RFC2: variants seen among roughly 807,000 people sequenced by gnomAD.
The protein encoded by RFC2 is replication factor C subunit 2.
Under a neutral mutation model 44.8 loss-of-function variants are expected in RFC2, and 34 were observed. The observed-to-expected ratio is 0.76, with a 90% CI of 0.58 to 1.01. The LOEUF (loss-of-function observed/expected upper bound fraction) is 1.01, where lower values mean the gene tolerates loss of function less well. Ranked by LOEUF, RFC2 falls within the 50% of genes least tolerant of loss-of-function variation. The pLI is 0.00. For synonymous variants in RFC2, 177 were observed against 168.9 expected, an observed-to-expected ratio of 1.05 and a Z score of -0.37; for missense variants, 400 against 453.6, an observed-to-expected ratio of 0.88 and a Z score of 1.07.
At chr7:74,239,627 G>T (rs1237320526) in intron 7 of RFC2, among the ~76,000 whole-genome samples, 4 of 152,124 alleles carry the variant, frequency 2.6e-5, no homozygotes, top group African/African-American at 9.7e-5. Context: ...CACTGTGCCT[G>T]GCCATGCCTG....
intron 2 of RFC2, among the ~76,000 whole-genome samples, chr7:74,251,525 C>A (rs1467791267): frequency 2.0e-5 from 3 of 152,052 alleles, no homozygotes; most frequent in Admixed American, 6.6e-5. Context: ...CAAGGCCGCT[C>A]GTGGTGGCTC....
intron 2 of RFC2, among the ~76,000 whole-genome samples, chr7:74,250,170 C>A (rs1448124029): frequency 1.3e-5 from 2 of 148,760 alleles, no homozygotes; most frequent in Admixed American, 6.7e-5. Context: ...AAAAAAAAAA[C>A]ACAAAACCTG....
chr7:74,249,703 T>C, intron 3 of RFC2, 36 bp downstream of exon 3: 2 of 1,577,830 alleles, frequency 1.3e-6, no homozygotes, highest in Middle Eastern at 1.7e-4. Flanking sequence ...GGATGAGACA[T>C]GGAGACACTC....
chr7:74,243,278 AC>A, intron 5 of RFC2, 32 bp from the exon 6 acceptor site: 1 of 1,428,002 alleles, frequency 7.0e-7, no homozygotes, highest in Non-Finnish European at 9.9e-7. Flanking sequence ...TGCAAGTGGG[AC>A]CCAGAGACCA....
At chr7:74,245,565 T>A (rs1362425806) in intron 5 of RFC2, among the ~76,000 whole-genome samples, 1 of 147,308 alleles carries the variant, frequency 6.8e-6, no homozygotes, top group Non-Finnish European at 1.5e-5. Flanking sequence ...ACAAAAAAAT[T>A]AGCTGGGCGT....
At chr7:74,243,371 C>T (rs1210366587) in intron 5 of RFC2, 125 bp from the exon 6 acceptor site, 7 of 666,540 alleles carry the variant, frequency 1.1e-5, no homozygotes, top group South Asian at 5.1e-5. Flanking sequence ...ATTGGAAGTA[C>T]GCAGGCCATC....
chr7:74,242,773 ATT>A (rs1803406582), intron 6 of RFC2, among the ~76,000 whole-genome samples: 3 of 148,524 alleles, frequency 2.0e-5, no homozygotes, highest in African/African-American at 7.6e-5. Context: ...AAAAAAAAAA[ATT>A]AGCTGGGTGT....
chr7:74,253,236 TG>T (rs60948329), intron 1 of RFC2, among the ~76,000 whole-genome samples: 10,378 of 151,014 alleles, frequency 0.069, 1,171 homozygotes, highest in African/African-American at 0.24. Context: ...TTTTTTTTTT[TG>T]GAGACAGAGT....
At position 74,254,311 on chromosome 7, in the gene RFC2, T is replaced by C. The variant is rs1000134831; in HGVS notation, c.73A>G (p.Ser25Gly). ...AQDSDPAPAFSKAPGSAGHYE... is the reference protein window; with the variant it reads ...AQDSDPAPAFGKAPGSAGHYE... Reference sequence around the variant, plus strand: ...TGGCCGGCGCTGCCGGGGGCCTTGCTGAAGGCAGGGGCAGGGTCAGAGTCC... The same window carrying C: ...TGGCCGGCGCTGCCGGGGGCCTTGCCGAAGGCAGGGGCAGGGTCAGAGTCC... The change falls in exon 1 of 11, where the codon AGC (serine) becomes GGC (glycine). Residue 25 changes from serine (S) to glycine (G), a missense_variant. Transcript: ENST00000055077. The C allele has an allele frequency of 1.2e-6, 2 of 1,612,756 alleles. No homozygotes were observed. The highest frequency in any genetic ancestry group is 2.7e-5 in the African/African-American group (2 of 74,888).
intron 4 of RFC2, 126 bp downstream of exon 4, chr7:74,248,886 A>G: frequency 1.5e-6 from 1 of 682,412 alleles, no homozygotes; most frequent in South Asian, 1.7e-5. Flanking sequence ...TTTCACTGGG[A>G]AGGGGTGGAG....
chr7:74,241,507 C>T (rs935631332), intron 6 of RFC2, among the ~76,000 whole-genome samples: 33 of 152,174 alleles, frequency 2.2e-4, no homozygotes, highest in African/African-American at 7.2e-4. Context: ...GTAATGCGCT[C>T]GTCGGCAACA....
chr7:74,251,375 G>A (rs1554721003), intron 2 of RFC2, among the ~76,000 whole-genome samples: 1 of 151,978 alleles, frequency 6.6e-6, no homozygotes, highest in Non-Finnish European at 1.5e-5. Context: ...TTTTTTCGTA[G>A]AGACTGGTTT....
Position 74,249,129 on chromosome 7 carries a change from G to T in RFC2, c.226-11C>A. ...GGTTCCTGGAGGGCCCTGGGAATGAGATCTCCAGTAAAGACTTCAAACCAC... is the reference window on the plus strand; with the variant it reads ...GGTTCCTGGAGGGCCCTGGGAATGATATCTCCAGTAAAGACTTCAAACCAC... On this transcript the variant is annotated splice_polypyrimidine_tract_variant and intron_variant, in intron 3 of 10. Transcript: ENST00000055077. 6.2e-7 allele frequency: 1 copy of T among 1,613,712 alleles called. No individual in the cohort carries two copies.
intron 5 of RFC2, among the ~76,000 whole-genome samples, chr7:74,245,511 G>A (rs1378561615): frequency 6.7e-6 from 1 of 149,820 alleles, no homozygotes; most frequent in African/African-American, 2.5e-5. Context: ...AGGAGATCAA[G>A]ACCATCCTGG....
chr7:74,236,096 C>T (rs933487841), intron 9 of RFC2, among the ~76,000 whole-genome samples: 1 of 152,218 alleles, frequency 6.6e-6, no homozygotes. Flanking sequence ...CATTCATCTG[C>T]TAGCTTCATC....
At chr7:74,244,734 G>A (rs1394581464) in intron 5 of RFC2, among the ~76,000 whole-genome samples, 17 of 151,752 alleles carry the variant, frequency 1.1e-4, no homozygotes, top group African/African-American at 3.9e-4. Flanking sequence ...TTGGGAGGCC[G>A]AGGCAGACAG....
At chr7:74,237,487 A>C in intron 8 of RFC2, 45 bp from the exon 9 acceptor site, 1 of 1,365,600 alleles carries the variant, frequency 7.3e-7, no homozygotes, top group Non-Finnish European at 1.0e-6. Flanking sequence ...AGAAGGGACA[A>C]TGTGAGCGGG....
In RFC2 at chr7:74,254,395, C is replaced by T. The variant is rs782186583; in HGVS notation, c.-12G>A. The stretch of plus-strand genomic sequence containing the variant: ...GCCTCCACCTCCATTCTCGCGCCTC[C>T]TCTTCCCGCCACCCGAGGCACCGCC... On this transcript the variant is annotated 5_prime_UTR_variant, in exon 1 of 11. Transcript: ENST00000055077. 1.3e-6 allele frequency: 2 copies of T among 1,568,366 alleles called. No individual in the cohort carries two copies. The highest frequency in any genetic ancestry group is 8.7e-7 in the Non-Finnish European group (1 of 1,150,874).
rs1392677025 is a variant in RFC2 at position 74,235,780 on chromosome 7, TAGAG to T, written c.841-139_841-136del. The T allele has an allele frequency of 2.9e-5, 19 of 657,156 alleles. No homozygotes were observed. The East Asian group carries it at 3.4e-4, about 12-fold the overall frequency. 40.7% of individuals were successfully genotyped at this position (657,156 alleles called of 1,614,324 possible). A position where few individuals can be genotyped will look rare whatever the true frequency, so the allele number is the denominator to read the frequency against. Reference sequence around the variant, plus strand: ...TACCTTAACTGATTTTCATGGCAGATAGAGAGATAACATTGCAAATGTATTGTTG... The same window carrying T: ...TACCTTAACTGATTTTCATGGCAGATAGATAACATTGCAAATGTATTGTTG... On this transcript the variant is annotated intron_variant, in intron 9 of 10. Transcript: ENST00000055077.
Sources: allele counts gnomAD v4.1 joint callset (sites outside exome capture counted in the v4.1 genomes callset), GRCh38; gene constraint gnomAD v4.1.1; transcripts MANE v1.5; gene names NCBI Gene and HGNC (gene_info 2026-07-23, HGNC 2026-07-21).